PDIA5: variants seen among roughly 807,000 people sequenced by gnomAD.
PDIA5 encodes the protein protein disulfide-isomerase A5.
A neutral mutation model predicts 77.6 loss-of-function variants in PDIA5; 58 were observed. The observed-to-expected ratio is 0.75, with a 90% CI of 0.61 to 0.93. The LOEUF is 0.93. Ranked by LOEUF, PDIA5 falls within the 40% of genes least tolerant of loss-of-function variation. PDIA5 has a pLI of 0.00. For synonymous variants in PDIA5, 250 were observed against 252.1 expected, an observed-to-expected ratio of 0.99 and a Z score of 0.08; for missense variants, 630 against 647.7, an observed-to-expected ratio of 0.97 and a Z score of 0.30.
At position 123,150,300 on chromosome 3, in the gene PDIA5, G is replaced by T; in HGVS notation, c.1209G>T (p.Val403=). 1 of 1,613,698 alleles carries T rather than the reference G, an allele frequency of 6.2e-7. No homozygotes were observed. The highest frequency in any genetic ancestry group is 8.5e-7 in the Non-Finnish European group (1 of 1,179,838). The change falls in exon 14 of 17, where the codon GTG becomes GTT. Residue 403 remains valine (V), a synonymous_variant. Coordinates refer to ENST00000316218, the MANE Select transcript of PDIA5 (RefSeq NM_006810.4). Reference sequence around the variant, plus strand: ...AGCAGACAAGCGTGTTGCACCTGGTGGGGGACAACTTCCGGGAGACCCTGA... The same window carrying T: ...AGCAGACAAGCGTGTTGCACCTGGTTGGGGACAACTTCCGGGAGACCCTGA... The part of the protein sequence containing the change: ...EEQQTSVLHL[V]GDNFRETLKK...
chr3:123,109,711 A>G (rs1263666466), intron 6 of PDIA5, among the ~76,000 whole-genome samples: 1 of 152,168 alleles, frequency 6.6e-6, no homozygotes, highest in Non-Finnish European at 1.5e-5. Context: ...AAATCACCTC[A>G]TACCTTTACA....
chr3:123,122,500 C>T (rs781307460), intron 8 of PDIA5, among the ~76,000 whole-genome samples: 2 of 151,964 alleles, frequency 1.3e-5, no homozygotes, highest in Non-Finnish European at 2.9e-5. Context: ...GTATGTGAGG[C>T]CTTGTGCTAG....
chr3:123,113,579 C>CT (rs895691792), intron 7 of PDIA5, among the ~76,000 whole-genome samples: 1 of 152,106 alleles, frequency 6.6e-6, no homozygotes, highest in Non-Finnish European at 1.5e-5. Flanking sequence ...CCTCGGGACC[C>CT]TTTTTTTGAT....
intron 12 of PDIA5, 133 bp downstream of exon 12, chr3:123,145,725 C>A: frequency 1.4e-6 from 1 of 694,566 alleles, no homozygotes; most frequent in Non-Finnish European, 2.5e-6. Context: ...CTCTGTGTGC[C>A]CAAGTAGAAC....
At chr3:123,092,139 T>C (rs1934305087) in intron 2 of PDIA5, among the ~76,000 whole-genome samples, 1 of 152,064 alleles carries the variant, frequency 6.6e-6, no homozygotes, top group Non-Finnish European at 1.5e-5. Flanking sequence ...CCCCTGAGTA[T>C]GGTGGGATCA....
chr3:123,157,141 G>A (rs1168063011), intron 15 of PDIA5, among the ~76,000 whole-genome samples: 3 of 152,104 alleles, frequency 2.0e-5, no homozygotes, highest in African/African-American at 4.8e-5. Flanking sequence ...CCAAGCCAGG[G>A]ATCACCCTCA....
chr3:123,108,938 G>A (rs1305296823), intron 6 of PDIA5, among the ~76,000 whole-genome samples: 1 of 152,130 alleles, frequency 6.6e-6, no homozygotes, highest in Non-Finnish European at 1.5e-5. Flanking sequence ...GGAGAGAGTG[G>A]CACATGTGCC....
At chr3:123,092,735 G>T (rs569076608) in intron 3 of PDIA5, among the ~76,000 whole-genome samples, 6 of 152,180 alleles carry the variant, frequency 3.9e-5, no homozygotes, top group Non-Finnish European at 7.3e-5. Context: ...GTGAGTGGCA[G>T]AGGGGGCCTT....
chr3:123,099,796 G>A (rs1236191330), intron 3 of PDIA5, among the ~76,000 whole-genome samples: 4 of 152,242 alleles, frequency 2.6e-5, no homozygotes, highest in Non-Finnish European at 4.4e-5. Flanking sequence ...CAGGATTGGC[G>A]TGGAAATGAA....
chr3:123,122,455 C>T (rs2107955745), intron 8 of PDIA5, among the ~76,000 whole-genome samples: 1 of 151,844 alleles, frequency 6.6e-6, no homozygotes, highest in South Asian at 2.1e-4. Flanking sequence ...AAAAAAAAAA[C>T]AGTGAATTTA....
chr3:123,149,270 A>G (rs1458473470), intron 13 of PDIA5, among the ~76,000 whole-genome samples: 1 of 152,232 alleles, frequency 6.6e-6, no homozygotes, highest in East Asian at 1.9e-4. Context: ...ATGAGAGGTG[A>G]GGCCTTAAGT....
chr3:123,140,417 G>A (rs1462697787), intron 11 of PDIA5, among the ~76,000 whole-genome samples: 1 of 152,148 alleles, frequency 6.6e-6, no homozygotes, highest in African/African-American at 2.4e-5. Flanking sequence ...TCAGAAGACA[G>A]CAATATCACA....
rs772620314 is a variant in PDIA5 at position 123,157,744 on chromosome 3, C to T, written c.1344+2703C>T. On this transcript the variant is annotated intron_variant, in intron 15 of 16. Coordinates refer to ENST00000316218, the MANE Select transcript of PDIA5 (RefSeq NM_006810.4). Reference sequence around the variant, plus strand: ...ATTTTAGCAGGGGAGCCTCCACCCCCTCCCGGGAGCTTACTTGGGGACTTT... The same window carrying T: ...ATTTTAGCAGGGGAGCCTCCACCCCTTCCCGGGAGCTTACTTGGGGACTTT... Among the ~76,000 whole-genome samples the T allele has an allele frequency of 3.9e-5, 6 of 152,364 alleles. No homozygotes were observed. In the South Asian group the frequency reaches 1.2e-3, roughly 32 times the overall value.
intron 14 of PDIA5, among the ~76,000 whole-genome samples, chr3:123,151,379 T>C (rs1935889085): frequency 6.6e-6 from 1 of 152,254 alleles, no homozygotes; most frequent in African/African-American, 2.4e-5. Context: ...GGACTGAGCC[T>C]TGCCCAAGGC....
intron 1 of PDIA5, among the ~76,000 whole-genome samples, chr3:123,085,336 C>T (rs922483555): frequency 2.6e-5 from 4 of 152,088 alleles, no homozygotes; most frequent in Non-Finnish European, 2.9e-5. Context: ...GCTTCAAAAC[C>T]GGATTGGCTA....
chr3:123,129,484 C>A (rs1935323728), intron 10 of PDIA5, among the ~76,000 whole-genome samples: 1 of 152,234 alleles, frequency 6.6e-6, no homozygotes, highest in African/African-American at 2.4e-5. Flanking sequence ...ATTTTCCAGC[C>A]CTGGCTGCTG....
intron 1 of PDIA5, among the ~76,000 whole-genome samples, chr3:123,084,815 G>A (rs938019298): frequency 6.6e-6 from 1 of 152,138 alleles, no homozygotes; most frequent in Non-Finnish European, 1.5e-5. Flanking sequence ...GCATTGATCT[G>A]TGTCTCTCCA....
intron 11 of PDIA5, among the ~76,000 whole-genome samples, chr3:123,140,108 G>A (rs549827419): frequency 1.1e-4 from 17 of 152,000 alleles, no homozygotes; most frequent in Non-Finnish European, 1.9e-4. Context: ...GGGGTAAGCC[G>A]CATACAGACC....
Position 123,067,110 on chromosome 3 carries a change from G to A in PDIA5, c.-55G>A, listed in dbSNP as rs1933584847. 2.4e-6 allele frequency: 3 copies of A among 1,229,768 alleles called. No individual in the cohort carries two copies. The highest frequency in any genetic ancestry group is 3.1e-5 in the African/African-American group (2 of 64,264). The allele number at this position is 1,229,768 out of a possible 1,614,324, so 76.2% of individuals were successfully genotyped here. ...CGCGGTGGAGCTAGCAGGCGGGCGG[G>A]CGGGAGCGGGCGCCGGAGTGGAGAA... On this transcript the variant is annotated 5_prime_UTR_variant, in exon 1 of 17. Coordinates refer to ENST00000316218, the MANE Select transcript of PDIA5 (RefSeq NM_006810.4).
Sources: allele counts gnomAD v4.1 joint callset (sites outside exome capture counted in the v4.1 genomes callset), GRCh38; gene constraint gnomAD v4.1.1; transcripts MANE v1.5; gene names NCBI Gene and HGNC (gene_info 2026-07-23, HGNC 2026-07-21).